DOP1A: variants seen among roughly 807,000 people sequenced by gnomAD.
The protein encoded by DOP1A is DOP1 leucine zipper like protein A.
A neutral mutation model predicts 267.6 loss-of-function variants in DOP1A; 90 were observed. The ratio of observed to expected loss-of-function variants is 0.34; its 90% confidence interval spans 0.28 to 0.40. The LOEUF (loss-of-function observed/expected upper bound fraction) is 0.40. Ranked by LOEUF, DOP1A falls within the 10% of genes least tolerant of loss-of-function variation. The pLI is 1.00. For synonymous variants in DOP1A, 932 were observed against 999.1 expected (o/e 0.93, Z 1.27); for missense variants, 2,437 against 2,900.4 (o/e 0.84, Z 3.67).
In DOP1A at chr6:83,141,993, A is replaced by ATTGTG; in HGVS notation, c.5491_5492insTGTTG (p.Ala1831ValfsTer31). ...TCATGGTGTTCACTTTATGGCTGCCATTGCATTTGTGTGGAATGAAAGAAG... is the reference window on the plus strand; with the variant it reads ...TCATGGTGTTCACTTTATGGCTGCCATTGTGTTGCATTTGTGTGGAATGAAAGAAG... On this transcript the variant is annotated frameshift_variant, in exon 24 of 39. Coordinates refer to ENST00000349129, the MANE Select transcript of DOP1A (RefSeq NM_015018.4). LOFTEE classifies it high-confidence loss of function. The ATTGTG allele has an allele frequency of 6.2e-7, 1 of 1,613,158 alleles. No homozygotes were observed. The highest frequency in any genetic ancestry group is 8.5e-7 in the Non-Finnish European group (1 of 1,179,662).
At chr6:83,169,870 C>A, downstream of DOP1A, 1 of 436,858 alleles carries the variant, frequency 2.3e-6, no homozygotes, top group Non-Finnish European at 4.5e-6. Context: ...CAGAGTAAGG[C>A]TGTCATTTAA....
chr6:83,093,645 C>T (rs1164652784), intron 1 of DOP1A, among the ~76,000 whole-genome samples: 4 of 152,184 alleles, frequency 2.6e-5, no homozygotes, highest in African/African-American at 4.8e-5. Context: ...CAGTGGCTCA[C>T]GCCTGTAATG....
chr6:83,152,083 G>C, intron 29 of DOP1A, 56 bp downstream of exon 29: 1 of 1,598,344 alleles, frequency 6.3e-7, no homozygotes, highest in Non-Finnish European at 8.6e-7. Context: ...TATTTACTAA[G>C]AAATCATTTT....
chr6:83,095,801 G>A (rs1359942564), intron 1 of DOP1A, among the ~76,000 whole-genome samples: 2 of 152,138 alleles, frequency 1.3e-5, no homozygotes, highest in Non-Finnish European at 2.9e-5. Flanking sequence ...CTTGGCTGAG[G>A]ATGGAGGATC....
At chr6:83,084,199 T>A (rs1768655070) in intron 1 of DOP1A, among the ~76,000 whole-genome samples, 1 of 152,250 alleles carries the variant, frequency 6.6e-6, no homozygotes, top group East Asian at 1.9e-4. Context: ...GTTTTAATAC[T>A]GTATTTTACT....
intron 4 of DOP1A, 28 bp from the exon 5 acceptor site, chr6:83,108,882 T>G (rs769675543): frequency 1.3e-6 from 2 of 1,592,374 alleles, no homozygotes; most frequent in Non-Finnish European, 1.7e-6. Context: ...TTTTGCTTCC[T>G]TCTCCTTTGT....
Position 83,140,042 on chromosome 6 carries a change from T to G in DOP1A, c.5163T>G (p.Leu1721=), listed in dbSNP as rs562849600. ...CAATTATTCCACCAGATATGATTCT[T>G]ACTCTTTTGGAAGGGATTACAGCCA... ...MASIIPPDMI[L]TLLEGITAII... is the part of the protein sequence containing the mutation. The change falls in exon 22 of 39, where the codon CTT becomes CTG. Residue 1721 remains leucine, a synonymous_variant. Transcript: ENST00000349129. 2 of 1,613,776 alleles carry G rather than the reference T, an allele frequency of 1.2e-6. No individual in the cohort carries two copies. Among genetic ancestry groups the G allele is most frequent in the Admixed American group, 1.7e-5 (1 of 60,018 alleles).
chr6:83,158,488 A>C, intron 35 of DOP1A, 79 bp from the exon 36 acceptor site: 1 of 1,130,236 alleles, frequency 8.8e-7, no homozygotes, highest in Non-Finnish European at 1.3e-6. Context: ...TTTTGCGTTA[A>C]TGAAAATACA....
intron 10 of DOP1A, among the ~76,000 whole-genome samples, chr6:83,121,099 T>A (rs538735543): frequency 1.3e-5 from 2 of 151,908 alleles, no homozygotes; most frequent in Admixed American, 1.3e-4. Context: ...AATTTATAGT[T>A]CACAGAATCC....
intron 27 of DOP1A, among the ~76,000 whole-genome samples, chr6:83,151,267 G>A (rs1781613711): frequency 1.3e-5 from 2 of 152,224 alleles, no homozygotes; most frequent in Admixed American, 6.5e-5. Context: ...CAATTCTCCT[G>A]CCTTAGCCTA....
intron 16 of DOP1A, 129 bp from the exon 17 acceptor site, chr6:83,129,994 G>GA: frequency 3.5e-6 from 4 of 1,142,970 alleles, no homozygotes; most frequent in Non-Finnish European, 3.6e-6. Context: ...GACTAGGTGA[G>GA]AAACCATGGT....
At chr6:83,095,270 G>C (rs1484725813) in intron 1 of DOP1A, among the ~76,000 whole-genome samples, 1 of 152,122 alleles carries the variant, frequency 6.6e-6, no homozygotes, top group Non-Finnish European at 1.5e-5. Context: ...CCTAGCCACA[G>C]GTCACAAAGA....
At chr6:83,078,704 G>A (rs181100662) in intron 1 of DOP1A, among the ~76,000 whole-genome samples, 1 of 152,242 alleles carries the variant, frequency 6.6e-6, no homozygotes, top group East Asian at 1.9e-4. Context: ...TGGAAAGTGA[G>A]GAGAGGTGTA....
At chr6:83,127,962 G>A (rs952468315) in intron 15 of DOP1A, among the ~76,000 whole-genome samples, 2 of 152,144 alleles carry the variant, frequency 1.3e-5, no homozygotes, top group African/African-American at 4.8e-5. Flanking sequence ...GAATGGCAGA[G>A]CCCTAGTTGA....
Position 83,154,220 on chromosome 6 carries a change from A to AT in DOP1A, c.6430_6431insT (p.Thr2144IlefsTer4), listed in dbSNP as rs751038064. On this transcript the variant is annotated frameshift_variant, in exon 33 of 39. Coordinates refer to ENST00000349129, the MANE Select transcript of DOP1A (RefSeq NM_015018.4). LOFTEE classifies it high-confidence loss of function. ...GGACAATCTGATGACACATGATAAA[A>AT]CAACATTTAGAGATTTGATGAGTGA... The AT allele has an allele frequency of 3.7e-6, 6 of 1,613,848 alleles. No individual in the cohort carries two copies.
intron 1 of DOP1A, among the ~76,000 whole-genome samples, chr6:83,083,480 T>G (rs931573348): frequency 4.6e-5 from 7 of 152,104 alleles, no homozygotes; most frequent in Non-Finnish European, 8.8e-5. Flanking sequence ...GGAGTCAGTC[T>G]GCCAGAGTTC....
intron 21 of DOP1A, 143 bp from the exon 22 acceptor site, chr6:83,139,855 CCT>C (rs1562352000): frequency 1.8e-6 from 1 of 557,366 alleles, no homozygotes; most frequent in Non-Finnish European, 3.1e-6. Context: ...AATAAAAGCC[CCT>C]GATTTATTCT....
intron 38 of DOP1A, chr6:83,164,641 C>T: frequency 6.4e-7 from 1 of 1,559,780 alleles, no homozygotes; most frequent in Non-Finnish European, 8.7e-7. Flanking sequence ...GCTGTGAGTT[C>T]TCCTCTTTCC....
At chr6:83,080,960 A>T (rs1767967323) in intron 1 of DOP1A, among the ~76,000 whole-genome samples, 1 of 152,146 alleles carries the variant, frequency 6.6e-6, no homozygotes, top group Non-Finnish European at 1.5e-5. Flanking sequence ...CATCTTGAGC[A>T]AAAAAACAAA....
Sources: allele counts gnomAD v4.1 joint callset (sites outside exome capture counted in the v4.1 genomes callset), GRCh38; gene constraint gnomAD v4.1.1; transcripts MANE v1.5; gene names NCBI Gene and HGNC (gene_info 2026-07-23, HGNC 2026-07-21).